Variants in EFNA2 observed in about 807,000 individuals in gnomAD.
EFNA2 encodes the protein ephrin A2, also known as ephrin-A2.
In EFNA2, 18 loss-of-function variants were observed where a neutral mutation model predicts 19.7. The observed-to-expected ratio is 0.91, with a 90% CI of 0.63 to 1.35. The LOEUF (loss-of-function observed/expected upper bound fraction) is 1.35. EFNA2 is among the 40% of genes most tolerant of loss of function. EFNA2 has a pLI of 0.00. For missense variants in EFNA2, 303 were observed against 296.0 expected (o/e 1.02, Z -0.17); for synonymous variants, 187 against 137.8 (o/e 1.36, Z -2.50).
At chr19:1,292,856 G>C (rs1009533746) in intron 1 of EFNA2, among the ~76,000 whole-genome samples, 1 of 152,174 alleles carries the variant, frequency 6.6e-6, no homozygotes, top group African/African-American at 2.4e-5. Flanking sequence ...GCACCTGGCC[G>C]CTCAGCCACA....
At chr19:1,288,776 C>A (rs909667438) in intron 1 of EFNA2, among the ~76,000 whole-genome samples, 7 of 152,112 alleles carry the variant, frequency 4.6e-5, no homozygotes, top group African/African-American at 1.7e-4. Flanking sequence ...TAAGGTGGGG[C>A]CCCGTTGGGT....
chr19:1,291,267 A>G (rs905854635), intron 1 of EFNA2, among the ~76,000 whole-genome samples: 1 of 151,932 alleles, frequency 6.6e-6, no homozygotes, highest in African/African-American at 2.4e-5. Flanking sequence ...TCTTTTTCCT[A>G]TTTTGCTTCA....
chr19:1,290,662 G>A (rs2081487202), intron 1 of EFNA2, among the ~76,000 whole-genome samples: 1 of 152,138 alleles, frequency 6.6e-6, no homozygotes, highest in Non-Finnish European at 1.5e-5. Context: ...CCAGGAACCG[G>A]GATGCAGCCA....
Position 1,286,620 on chromosome 19 carries a change from G to A in EFNA2, c.140+312G>A, listed in dbSNP as rs1292843651. ...CCCCTCTGGTACCCTCCGATGCCGGGTAGCCCCTGAGTTGCCTGCCTGGAC... is the reference window on the plus strand; with the variant it reads ...CCCCTCTGGTACCCTCCGATGCCGGATAGCCCCTGAGTTGCCTGCCTGGAC... On this transcript the variant is annotated intron_variant, in intron 1 of 3. Coordinates refer to ENST00000215368, the MANE Select transcript of EFNA2 (RefSeq NM_001405.4). The surrounding 1 kb of genome is among the most constrained non-coding windows in gnomAD (Gnocchi z 5.6). Among the ~76,000 whole-genome samples, 1 of 152,178 alleles carries A rather than the reference G, an allele frequency of 6.6e-6. No homozygotes were observed. The highest frequency in any genetic ancestry group is 1.5e-5 in the Non-Finnish European group (1 of 68,004).
rs1387903272 is a variant in EFNA2 at position 1,300,663 on chromosome 19, G to C, written c.*718G>C. On this transcript the variant is annotated 3_prime_UTR_variant, in exon 4 of 4. Transcript: ENST00000215368. ...TACGTGGTGGGCGCCCCTCATTGTG[G>C]CTGGGGAGACCTCATACCCCATCGC... Among the ~76,000 whole-genome samples, 1 of 151,952 alleles carries C rather than the reference G, an allele frequency of 6.6e-6. No homozygotes were observed. The highest frequency in any genetic ancestry group is 1.5e-5 in the Non-Finnish European group (1 of 67,986).
In EFNA2 at chr19:1,286,403, A is replaced by C. The variant is rs2081465067; in HGVS notation, c.140+95A>C. ...GCCCCCGGAGCTCCGGGCGCCCCCCACGCGCGCGCCGCCGCCGGGATGCGG... is the reference window on the plus strand; with the variant it reads ...GCCCCCGGAGCTCCGGGCGCCCCCCCCGCGCGCGCCGCCGCCGGGATGCGG... On this transcript the variant is annotated intron_variant, in intron 1 of 3. Coordinates refer to ENST00000215368, the MANE Select transcript of EFNA2 (RefSeq NM_001405.4). This position sits in a 1 kb window ranked among gnomAD's most constrained non-coding sequence, Gnocchi z 5.6. The C allele has an allele frequency of 0.014, 4,301 of 314,628 alleles. No individual in the cohort carries two copies. The highest frequency in any genetic ancestry group is 0.017 in the Non-Finnish European group (3,893 of 226,270). 19.5% of individuals were successfully genotyped at this position (314,628 alleles called of 1,614,324 possible). A position where few individuals can be genotyped will look rare whatever the true frequency, so the allele number is the denominator to read the frequency against.
At position 1,297,391 on chromosome 19, in the gene EFNA2, G is replaced by C. The variant is rs1448962008; in HGVS notation, c.455-1160G>C. Among the ~76,000 whole-genome samples, 1 of 152,166 alleles carries C rather than the reference G, an allele frequency of 6.6e-6. No homozygotes were observed. The highest frequency in any genetic ancestry group is 1.5e-5 in the Non-Finnish European group (1 of 68,028). On this transcript the variant is annotated intron_variant, in intron 2 of 3. Transcript: ENST00000215368. This position sits in a 1 kb window ranked among gnomAD's most constrained non-coding sequence, Gnocchi z 5.0. ...TGAGAAAAATTACATTTTTCTTTCTGAGACGGCAGTTTCATAAAGATAATT... is the reference window on the plus strand; with the variant it reads ...TGAGAAAAATTACATTTTTCTTTCTCAGACGGCAGTTTCATAAAGATAATT...
chr19:1,292,739 T>C (rs1416707662), intron 1 of EFNA2, among the ~76,000 whole-genome samples: 1 of 152,168 alleles, frequency 6.6e-6, no homozygotes, highest in African/African-American at 2.4e-5. Flanking sequence ...TGGAGGGCTC[T>C]GAGCCGCCGC....
Position 1,295,094 on chromosome 19 carries a change from G to A in EFNA2, c.141-451G>A, listed in dbSNP as rs1346892140. 6.6e-6 allele frequency among the ~76,000 whole-genome samples: 1 copy of A among 152,126 alleles called. No individual in the cohort carries two copies. The highest frequency in any genetic ancestry group is 1.5e-5 in the Non-Finnish European group (1 of 68,000). ...GGGACACTGAGGCAGGAGGTGGGGG[G>A]CAGTGCCAGGCAAGAGATCGTGGGC... On this transcript the variant is annotated intron_variant, in intron 1 of 3. Transcript: ENST00000215368. The surrounding 1 kb of genome is among the most constrained non-coding windows in gnomAD (Gnocchi z 5.8).
At chr19:1,290,948 G>T (rs1746007878) in intron 1 of EFNA2, among the ~76,000 whole-genome samples, 2 of 152,224 alleles carry the variant, frequency 1.3e-5, no homozygotes, top group African/African-American at 4.8e-5. Context: ...GGCTGGTGTG[G>T]GGTCTGGCCG....
In EFNA2 at chr19:1,287,446, G is replaced by A. The variant is rs542330915; in HGVS notation, c.140+1138G>A. ...TTTCCAGCCGCTTCCTGTGCCGACC[G>A]AGCCGCCCTCTGGAGCCCGCCACCC... is the stretch of plus-strand genomic sequence containing the variant. On this transcript the variant is annotated intron_variant, in intron 1 of 3. Transcript: ENST00000215368. This position sits in a 1 kb window ranked among gnomAD's most constrained non-coding sequence, Gnocchi z 6.2. Among the ~76,000 whole-genome samples, 3 of 152,238 alleles carry A rather than the reference G, an allele frequency of 2.0e-5. No individual in the cohort carries two copies. The highest frequency in any genetic ancestry group is 2.1e-4 in the South Asian group (1 of 4,814).
intron 1 of EFNA2, among the ~76,000 whole-genome samples, chr19:1,292,294 C>T (rs535144421): frequency 2.3e-4 from 35 of 152,388 alleles, no homozygotes; most frequent in Middle Eastern, 3.4e-3. Flanking sequence ...GGCCCCACTC[C>T]GGCAGGCAGA....
At position 1,295,630 on chromosome 19, in the gene EFNA2, T is replaced by C. The variant is rs2144621255; in HGVS notation, c.226T>C (p.Tyr76His). The change falls in exon 2 of 4, where the codon TAT (tyrosine) becomes CAT (histidine). Residue 76 changes from tyrosine to histidine, a missense_variant. Coordinates refer to ENST00000215368, the MANE Select transcript of EFNA2 (RefSeq NM_001405.4). The surrounding 1 kb of genome is among the most constrained non-coding windows in gnomAD (Gnocchi z 5.8). ...CTACCTGGACATCTACTGCCCGCAC[T>C]ATGGGGCGCCGCTGCCGCCGGCCGA... ...NDYLDIYCPH[Y>H]GAPLPPAERM... 1.2e-6 allele frequency: 2 copies of C among 1,611,566 alleles called. No individual in the cohort carries two copies. The highest frequency in any genetic ancestry group is 4.5e-5 in the East Asian group (2 of 44,806).
Position 1,295,648 on chromosome 19 carries a change from C to T in EFNA2, c.244C>T (p.Pro82Ser). ...YCPHYGAPLP[P>S]AERMEHYVLY... ...CCCGCACTATGGGGCGCCGCTGCCG[C>T]CGGCCGAGCGCATGGAGCACTACGT... Residue 82 changes from proline (P) to serine (S), a missense_variant, in exon 2 of 4, where the codon CCG (proline) becomes TCG (serine). Transcript: ENST00000215368. This position sits in a 1 kb window ranked among gnomAD's most constrained non-coding sequence, Gnocchi z 5.8. 1 of 1,611,738 alleles carries T rather than the reference C, an allele frequency of 6.2e-7. No homozygotes were observed.
intron 1 of EFNA2, among the ~76,000 whole-genome samples, chr19:1,293,520 G>A (rs577682745): frequency 2.1e-4 from 32 of 152,334 alleles, no homozygotes; most frequent in Non-Finnish European, 3.7e-4. Context: ...AGAGGAGGCC[G>A]GACCTCGAGA....
At chr19:1,290,454 G>A (rs1003953399) in intron 1 of EFNA2, among the ~76,000 whole-genome samples, 4 of 152,184 alleles carry the variant, frequency 2.6e-5, no homozygotes, top group East Asian at 1.9e-4. Context: ...ACCTTCCCCC[G>A]TCTCTGGGCT....
chr19:1,299,582 C>CAAAAAAAAAAAAAAAAAAAAAAAAAGA (rs76643561), intron 3 of EFNA2, among the ~76,000 whole-genome samples: 5 of 94,834 alleles, frequency 5.3e-5, no homozygotes, highest in Admixed American at 1.1e-4. Context: ...AAAAATAAAG[C>CAAAAAAAAAAAAAAAAAAAAAAAAAGA]AAAAAAAAAA....
At position 1,296,968 on chromosome 19, in the gene EFNA2, A is replaced by C. The variant is rs1419915758; in HGVS notation, c.454+1110A>C. Reference sequence around the variant, plus strand: ...ACGAAAGGCCAACGGCAGGTGGGGAACACAGCAGCGCCAGCCGGAGTCCCA... The same window carrying C: ...ACGAAAGGCCAACGGCAGGTGGGGACCACAGCAGCGCCAGCCGGAGTCCCA... On this transcript the variant is annotated intron_variant, in intron 2 of 3. Transcript: ENST00000215368. The surrounding 1 kb of genome is among the most constrained non-coding windows in gnomAD (Gnocchi z 4.4). Among the ~76,000 whole-genome samples, 1 of 152,232 alleles carries C rather than the reference A, an allele frequency of 6.6e-6. No homozygotes were observed. The highest frequency in any genetic ancestry group is 1.9e-4 in the East Asian group (1 of 5,196).
rs371700314 is a variant in EFNA2 at position 1,295,770 on chromosome 19, G to T, written c.366G>T (p.Gly122=). ...WECNRPAAPG[G]PLKFSEKFQL... ...GCAACCGGCCCGCGGCGCCCGGGGGGCCGCTCAAGTTCTCGGAGAAGTTCC... is the reference window on the plus strand; with the variant it reads ...GCAACCGGCCCGCGGCGCCCGGGGGTCCGCTCAAGTTCTCGGAGAAGTTCC... The change falls in exon 2 of 4, where the codon GGG becomes GGT. Residue 122 remains glycine, a synonymous_variant. Transcript: ENST00000215368. The surrounding 1 kb of genome is among the most constrained non-coding windows in gnomAD (Gnocchi z 5.8). 2.5e-6 allele frequency: 4 copies of T among 1,605,320 alleles called. No homozygotes were observed. Among genetic ancestry groups the T allele is most frequent in the African/African-American group, 1.3e-5 (1 of 74,242 alleles).
Sources: allele counts gnomAD v4.1 joint callset (sites outside exome capture counted in the v4.1 genomes callset), GRCh38; gene constraint gnomAD v4.1.1; non-coding constraint Gnocchi (gnomAD v3.1); transcripts MANE v1.5; gene names NCBI Gene and HGNC (gene_info 2026-07-23, HGNC 2026-07-21).